Variants in PRKCI observed in about 807,000 individuals in gnomAD.
PRKCI encodes protein kinase C iota, also known as protein kinase C iota type.
In PRKCI, 43 loss-of-function variants were observed where a neutral mutation model predicts 84.0. The observed-to-expected ratio is 0.51, with a 90% CI of 0.40 to 0.66. The LOEUF (loss-of-function observed/expected upper bound fraction) is 0.66, where lower values mean the gene tolerates loss of function less well. Among genes scored for constraint, PRKCI ranks in the 30% least tolerant of loss-of-function variants. The pLI is 0.00. For missense variants in PRKCI, 459 were observed against 745.6 expected, an observed-to-expected ratio of 0.62 and a Z score of 4.48; for synonymous variants, 216 against 234.4, an observed-to-expected ratio of 0.92 and a Z score of 0.72.
intron 2 of PRKCI, among the ~76,000 whole-genome samples, chr3:170,255,825 T>C (rs1292233162): frequency 6.6e-6 from 1 of 152,242 alleles, no homozygotes; most frequent in Non-Finnish European, 1.5e-5. Flanking sequence ...TTGAGGTATG[T>C]TCCTTCTATC....
chr3:170,274,457 G>A (rs1303645037), intron 7 of PRKCI, among the ~76,000 whole-genome samples: 5 of 152,110 alleles, frequency 3.3e-5, no homozygotes, highest in African/African-American at 1.2e-4. Flanking sequence ...TTTATTAAAA[G>A]CTTTATTATC....
intron 12 of PRKCI, among the ~76,000 whole-genome samples, chr3:170,286,290 C>A (rs865945406): frequency 1.1e-4 from 16 of 152,016 alleles, no homozygotes; most frequent in Middle Eastern, 3.4e-3. Flanking sequence ...CGAGTGGAAC[C>A]CCTATGTACC....
At chr3:170,245,954 T>TTTTGTTTGTTTG (rs781310669) in intron 2 of PRKCI, among the ~76,000 whole-genome samples, 2 of 121,308 alleles carry the variant, frequency 1.6e-5, no homozygotes, top group Non-Finnish European at 3.4e-5. Context: ...TCTTTGTTTT[T>TTTTGTTTGTTTG]TTTTTTTTTT....
chr3:170,296,062 T>G, intron 15 of PRKCI, 72 bp downstream of exon 15: 1 of 865,024 alleles, frequency 1.2e-6, no homozygotes, highest in Non-Finnish European at 1.7e-6. Flanking sequence ...AGTAGCGGTT[T>G]GGGAAATGTA....
At chr3:170,230,076 T>A (rs988421336) in intron 1 of PRKCI, among the ~76,000 whole-genome samples, 19 of 152,282 alleles carry the variant, frequency 1.2e-4, no homozygotes, top group African/African-American at 4.3e-4. Context: ...CTGTCCTTTT[T>A]AAAAATTTCC....
intron 10 of PRKCI, 56 bp downstream of exon 10, chr3:170,281,319 C>T: frequency 7.1e-7 from 1 of 1,417,144 alleles, no homozygotes; most frequent in East Asian, 2.3e-5. Flanking sequence ...GGTCATATTA[C>T]ACAGTTAGAA....
At chr3:170,267,445 G>A (rs915759527) in intron 4 of PRKCI, among the ~76,000 whole-genome samples, 2 of 151,738 alleles carry the variant, frequency 1.3e-5, no homozygotes, top group Non-Finnish European at 2.9e-5. Context: ...AGGCCGAGGC[G>A]GGCGGATCAT....
intron 2 of PRKCI, among the ~76,000 whole-genome samples, chr3:170,249,754 G>A (rs1265833943): frequency 2.0e-5 from 3 of 150,804 alleles, no homozygotes; most frequent in Non-Finnish European, 4.4e-5. Flanking sequence ...CCAAGATCAT[G>A]CCACTGCATT....
At position 170,269,774 on chromosome 3, in the gene PRKCI, A is replaced by G. The variant is rs1733954445; in HGVS notation, c.451-647A>G. On this transcript the variant is annotated intron_variant, in intron 5 of 17. Transcript: ENST00000295797. The stretch of plus-strand genomic sequence containing the variant: ...GGAGTTTGAGACCAGCCTGACCAAC[A>G]TGGTGAAACCCCATCTCTACTAAAA... Among the ~76,000 whole-genome samples, 5 of 152,284 alleles carry G rather than the reference A, an allele frequency of 3.3e-5. No homozygotes were observed. The South Asian group carries it at 1.0e-3, about 32-fold the overall frequency.
intron 14 of PRKCI, 147 bp downstream of exon 14, chr3:170,293,655 GT>G (rs1280189673): frequency 1.4e-5 from 14 of 1,001,394 alleles, no homozygotes; most frequent in Admixed American, 3.2e-5. Flanking sequence ...TTTTGTTGTT[GT>G]TTTTGTTTGT....
chr3:170,234,309 G>T (rs539206210), intron 1 of PRKCI, among the ~76,000 whole-genome samples: 7 of 152,164 alleles, frequency 4.6e-5, no homozygotes, highest in Middle Eastern at 3.4e-3. Context: ...GGGGTTACAG[G>T]TGTGAGCCAC....
At chr3:170,291,596 C>T (rs1389638872) in intron 12 of PRKCI, 1 of 339,208 alleles carries the variant, frequency 2.9e-6, no homozygotes, top group African/African-American at 2.1e-5. Flanking sequence ...ACTCAGGAGG[C>T]TGAGACACAA....
In PRKCI at chr3:170,270,436, A is replaced by G; in HGVS notation, c.466A>G (p.Ile156Val). The G allele has an allele frequency of 1.2e-6, 2 of 1,613,216 alleles. No individual in the cohort carries two copies. Among genetic ancestry groups the G allele is most frequent in the Non-Finnish European group, 1.7e-6 (2 of 1,179,690 alleles). Residue 156 changes from isoleucine to valine, a missense_variant, in exon 6 of 18, where the codon ATC becomes GTC. Around this residue, in one of 2 missense-constraint regions of PRKCI, gnomAD observed 250 missense variants for 319.7 expected, o/e 0.78. Transcript: ENST00000295797. ...KRFNRRAHCAICTDRIWGLGR... is the reference protein window; with the variant it reads ...KRFNRRAHCAVCTDRIWGLGR... ...CTCTTTTCAGCGTGCTCACTGTGCCATCTGCACAGACCGAATATGGGGACT... is the reference window on the plus strand; with the variant it reads ...CTCTTTTCAGCGTGCTCACTGTGCCGTCTGCACAGACCGAATATGGGGACT...
chr3:170,271,546 T>C (rs1464821607), intron 6 of PRKCI, among the ~76,000 whole-genome samples: 1 of 152,214 alleles, frequency 6.6e-6, no homozygotes, highest in East Asian at 1.9e-4. Flanking sequence ...AGATATTCTT[T>C]AATTTACTGG....
intron 1 of PRKCI, among the ~76,000 whole-genome samples, chr3:170,231,610 G>A (rs1466009437): frequency 2.0e-5 from 3 of 151,820 alleles, no homozygotes; most frequent in African/African-American, 7.3e-5. Flanking sequence ...GATTACAGGC[G>A]TGCACCACCA....
intron 13 of PRKCI, among the ~76,000 whole-genome samples, chr3:170,293,055 A>C (rs1734600073): frequency 6.6e-6 from 1 of 152,054 alleles, no homozygotes; most frequent in Admixed American, 6.6e-5. Flanking sequence ...AAAAAAAAAA[A>C]AAGACCAAGG....
chr3:170,229,253 G>T (rs1448962757), intron 1 of PRKCI, among the ~76,000 whole-genome samples: 1 of 152,140 alleles, frequency 6.6e-6, no homozygotes, highest in Non-Finnish European at 1.5e-5. Flanking sequence ...AAAAATCGTG[G>T]TCATCTTTTC....
chr3:170,274,249 A>C (rs766102695), intron 7 of PRKCI, among the ~76,000 whole-genome samples: 2 of 152,066 alleles, frequency 1.3e-5, no homozygotes, highest in Non-Finnish European at 2.9e-5. Context: ...CTCCTGCCTC[A>C]GCCTCCTGAG....
chr3:170,287,925 A>G (rs1734437909), intron 12 of PRKCI, among the ~76,000 whole-genome samples: 1 of 151,220 alleles, frequency 6.6e-6, no homozygotes, highest in African/African-American at 2.4e-5. Context: ...AAAAAAAAAA[A>G]AAAAAGAAAA....
Sources: gnomAD v4.1 joint callset for allele counts (sites outside exome capture counted in the v4.1 genomes callset) on GRCh38, gnomAD v4.1.1 for gene constraint, gnomAD v4.1.1 regional missense constraint, MANE v1.5 for transcripts, NCBI Gene and HGNC (gene_info 2026-07-23, HGNC 2026-07-21) for gene names.